The following CNTNAP5 variants were observed in gnomAD, a reference collection of about 807,000 sequenced individuals.
The protein encoded by CNTNAP5 is contactin associated protein family member 5, also known as contactin-associated protein-like 5.
Under a neutral mutation model 150.2 loss-of-function variants are expected in CNTNAP5, and 72 were observed. The ratio of observed to expected loss-of-function variants is 0.48; its 90% CI spans 0.40 to 0.58. CNTNAP5 has a LOEUF of 0.58. Among genes scored for constraint, CNTNAP5 ranks in the 20% least tolerant of loss-of-function variants. The probability of loss-of-function intolerance (pLI) is 0.00; values close to 1 mark genes in which losing one functional copy is unlikely to be tolerated. For synonymous variants in CNTNAP5, 672 were observed against 619.8 expected, an observed-to-expected ratio of 1.08 and a Z score of -1.25; for missense variants, 1,636 against 1,626.2, an observed-to-expected ratio of 1.01 and a Z score of -0.10.
At chr2:124,510,321 C>CTATATATATATATCTATATATCTATA (rs1403460082) in intron 8 of CNTNAP5, among the ~76,000 whole-genome samples, 9 of 40,080 alleles carry the variant, frequency 2.2e-4, no homozygotes, top group Admixed American at 5.7e-4. Flanking sequence ...ATCTATATAT[C>CTATATATATATATCTATATATCTATA]TATCTATATA....
chr2:124,349,388 T>C (rs971642687), intron 3 of CNTNAP5, among the ~76,000 whole-genome samples: 1 of 152,208 alleles, frequency 6.6e-6, no homozygotes, highest in African/African-American at 2.4e-5. Flanking sequence ...ACATATGCCA[T>C]CTGTCTTGGA....
At chr2:124,124,690 G>A (rs1448292161) in intron 1 of CNTNAP5, among the ~76,000 whole-genome samples, 1 of 152,160 alleles carries the variant, frequency 6.6e-6, no homozygotes, top group Non-Finnish European at 1.5e-5. Flanking sequence ...ACAAAGGGAA[G>A]CCCATCAGAC....
chr2:124,265,320 G>A (rs532768319), intron 3 of CNTNAP5, among the ~76,000 whole-genome samples: 5 of 152,176 alleles, frequency 3.3e-5, no homozygotes, highest in East Asian at 1.9e-4. Flanking sequence ...ACCTTCTGCC[G>A]CCATTAAGGT....
chr2:124,284,916 G>A (rs1688109798), intron 3 of CNTNAP5, among the ~76,000 whole-genome samples: 1 of 152,072 alleles, frequency 6.6e-6, no homozygotes, highest in Non-Finnish European at 1.5e-5. Context: ...GTGAACCAGG[G>A]AGTTCACCCA....
chr2:124,312,547 T>A (rs1458935816), intron 3 of CNTNAP5, among the ~76,000 whole-genome samples: 1 of 151,384 alleles, frequency 6.6e-6, no homozygotes, highest in Non-Finnish European at 1.5e-5. Flanking sequence ...GTGGGGGTTT[T>A]TTTGTTTGTT....
intron 3 of CNTNAP5, among the ~76,000 whole-genome samples, chr2:124,302,804 C>G (rs1436826887): frequency 6.6e-6 from 1 of 152,134 alleles, no homozygotes; most frequent in African/African-American, 2.4e-5. Flanking sequence ...CTTGAGTAAG[C>G]TGAGTGTGTT....
intron 3 of CNTNAP5, among the ~76,000 whole-genome samples, chr2:124,248,550 T>C (rs974665938): frequency 6.6e-6 from 1 of 152,228 alleles, no homozygotes; most frequent in Non-Finnish European, 1.5e-5. Context: ...ACAGCTGGTC[T>C]TCACCCCAGC....
intron 3 of CNTNAP5, among the ~76,000 whole-genome samples, chr2:124,278,133 A>G (rs1687928140): frequency 6.6e-6 from 1 of 152,162 alleles, no homozygotes; most frequent in Non-Finnish European, 1.5e-5. Flanking sequence ...TTCTTAAGTT[A>G]TATGGGATAA....
intron 3 of CNTNAP5, among the ~76,000 whole-genome samples, chr2:124,376,944 A>G (rs1229874953): frequency 1.3e-5 from 2 of 152,114 alleles, no homozygotes; most frequent in African/African-American, 2.4e-5. Flanking sequence ...GGAAATATTG[A>G]TACCTATGCA....
chr2:124,485,283 C>T (rs956793074), intron 7 of CNTNAP5, among the ~76,000 whole-genome samples: 9 of 152,090 alleles, frequency 5.9e-5, no homozygotes, highest in African/African-American at 9.7e-5. Context: ...GTTCTCTCTG[C>T]CCACCTCCCA....
intron 5 of CNTNAP5, among the ~76,000 whole-genome samples, chr2:124,440,858 T>TA (rs1692656149): frequency 6.6e-6 from 1 of 152,112 alleles, no homozygotes; most frequent in Non-Finnish European, 1.5e-5. Flanking sequence ...ATCTTTGTCT[T>TA]ACGAAATTAG....
intron 1 of CNTNAP5, among the ~76,000 whole-genome samples, chr2:124,095,818 G>GA (rs1190311401): frequency 6.6e-6 from 1 of 151,614 alleles, no homozygotes; most frequent in Non-Finnish European, 1.5e-5. Flanking sequence ...AACATTTATT[G>GA]AATGCACAAT....
chr2:124,574,016 A>G lies in CNTNAP5; in HGVS notation c.1756+10693A>G, dbSNP rs566640751. ...TAAAAGTTTAGAAATACTTTTTCAT[A>G]TAAGAGACATCCTTTCTATGCTGCT... On this transcript the variant is annotated intron_variant, in intron 11 of 23. Coordinates refer to ENST00000682447, the MANE Select transcript of CNTNAP5 (RefSeq NM_001367498.1). Among the ~76,000 whole-genome samples, 10 of 152,364 alleles carry G rather than the reference A, an allele frequency of 6.6e-5. No homozygotes were observed. The South Asian group carries it at 1.7e-3, about 25-fold the overall frequency.
intron 1 of CNTNAP5, among the ~76,000 whole-genome samples, chr2:124,183,829 A>T (rs550967171): frequency 6.6e-6 from 1 of 152,308 alleles, no homozygotes; most frequent in African/African-American, 2.4e-5. Context: ...CACAATCAAG[A>T]TGGGGAGGAA....
chr2:124,588,388 A>G (rs752671664), intron 11 of CNTNAP5, among the ~76,000 whole-genome samples: 2 of 152,058 alleles, frequency 1.3e-5, no homozygotes, highest in Non-Finnish European at 2.9e-5. Flanking sequence ...ATGGGGCCCA[A>G]TAATTTGCAT....
chr2:124,337,311 A>G (rs182280942), intron 3 of CNTNAP5, among the ~76,000 whole-genome samples: 42 of 152,088 alleles, frequency 2.8e-4, no homozygotes, highest in Non-Finnish European at 5.4e-4. Flanking sequence ...ATTTTCTCCC[A>G]TTTTTGTAGG....
intron 1 of CNTNAP5, among the ~76,000 whole-genome samples, chr2:124,199,430 T>TC (rs1419370616): frequency 3.3e-5 from 5 of 149,756 alleles, no homozygotes; most frequent in African/African-American, 1.2e-4. Flanking sequence ...TTTTTTTTTT[T>TC]TTGAGACGGA....
intron 19 of CNTNAP5, among the ~76,000 whole-genome samples, chr2:124,853,716 C>G (rs913222345): frequency 6.6e-6 from 1 of 152,130 alleles, no homozygotes; most frequent in Non-Finnish European, 1.5e-5. Flanking sequence ...CAGTTCAACT[C>G]ATGTCACAGA....
At chr2:124,688,929 A>G (rs988331531) in intron 13 of CNTNAP5, among the ~76,000 whole-genome samples, 6 of 152,144 alleles carry the variant, frequency 3.9e-5, no homozygotes, top group Non-Finnish European at 7.4e-5. Context: ...AGGTGAGGAA[A>G]ACATTGAATT....
Sources: allele counts gnomAD v4.1 joint callset (sites outside exome capture counted in the v4.1 genomes callset), GRCh38; gene constraint gnomAD v4.1.1; transcripts MANE v1.5; gene names NCBI Gene and HGNC (gene_info 2026-07-23, HGNC 2026-07-21).